The following PPP6R3 variants were observed in gnomAD, a reference collection of about 807,000 sequenced individuals.
PPP6R3 encodes protein phosphatase 6 regulatory subunit 3.
PPP6R3 carries 38 observed loss-of-function variants against 110.7 expected under a neutral mutation model. The observed-to-expected ratio is 0.34, with a 90% CI of 0.26 to 0.45. The LOEUF is 0.45. Ranked by LOEUF, PPP6R3 falls within the 20% of genes least tolerant of loss-of-function variation. The probability of loss-of-function intolerance (pLI) is 1.00; values close to 1 mark genes in which losing one functional copy is unlikely to be tolerated. For missense variants in PPP6R3, 870 were observed against 1,062.4 expected (o/e 0.82, Z 2.52); for synonymous variants, 369 against 373.5 (o/e 0.99, Z 0.14).
intron 14 of PPP6R3, 33 bp downstream of exon 14, chr11:68,576,076 C>T (rs1593428431): frequency 6.8e-7 from 1 of 1,471,152 alleles, no homozygotes; most frequent in East Asian, 2.3e-5. Flanking sequence ...TTTATTCTTT[C>T]AGTGCTCTTA....
intron 5 of PPP6R3, among the ~76,000 whole-genome samples, chr11:68,549,252 T>G (rs1176111678): frequency 2.0e-5 from 3 of 152,246 alleles, no homozygotes; most frequent in Non-Finnish European, 4.4e-5. Flanking sequence ...TATCCGTCTT[T>G]AATACTAACC....
At position 68,596,289 on chromosome 11, in the gene PPP6R3, G is replaced by A. The variant is rs2099613702; in HGVS notation, c.2038+71G>A. The stretch of plus-strand genomic sequence containing the variant: ...GGTATTGTGAACAATTGGCAAAGGA[G>A]CAGTTCACAGCATCTGAGATGATAT... On this transcript the variant is annotated intron_variant, in intron 19 of 23. Transcript: ENST00000393800. 6.3e-6 allele frequency: 10 copies of A among 1,579,178 alleles called. No individual in the cohort carries two copies. The Admixed American group carries it at 1.3e-4, about 21-fold the overall frequency.
At chr11:68,475,327 A>T (rs1251998356) in intron 1 of PPP6R3, among the ~76,000 whole-genome samples, 3 of 152,192 alleles carry the variant, frequency 2.0e-5, no homozygotes, top group Non-Finnish European at 4.4e-5. Context: ...CTACACAGAG[A>T]CAGCAACAAT....
At chr11:68,576,844 C>T (rs765391426) in intron 14 of PPP6R3, among the ~76,000 whole-genome samples, 2 of 152,282 alleles carry the variant, frequency 1.3e-5, no homozygotes, top group Admixed American at 1.3e-4. Context: ...AACACCTTGA[C>T]TGTTAGGAAT....
At chr11:68,600,632 A>G in intron 20 of PPP6R3, 138 bp downstream of exon 20, 6 of 914,610 alleles carry the variant, frequency 6.6e-6, no homozygotes, top group Non-Finnish European at 9.6e-6. Flanking sequence ...AAACATCAGC[A>G]TACTAACACA....
intron 1 of PPP6R3, among the ~76,000 whole-genome samples, chr11:68,494,487 A>G (rs550497962): frequency 2.7e-5 from 4 of 150,148 alleles, no homozygotes; most frequent in Non-Finnish European, 5.9e-5. Flanking sequence ...CTGTTTCCCT[A>G]TATTCCCCTT....
At chr11:68,508,758 A>T (rs1437243100) in intron 1 of PPP6R3, among the ~76,000 whole-genome samples, 4 of 151,896 alleles carry the variant, frequency 2.6e-5, no homozygotes, top group Non-Finnish European at 2.9e-5. Flanking sequence ...TACTGAAAAG[A>T]AGAGAAATCT....
intron 4 of PPP6R3, 34 bp from the exon 5 acceptor site, chr11:68,548,033 C>T (rs574392501): frequency 2.5e-6 from 4 of 1,593,260 alleles, no homozygotes; most frequent in East Asian, 2.3e-5. Context: ...TTCCAAGTTA[C>T]ATGTCTTTCA....
intron 20 of PPP6R3, 60 bp from the exon 21 acceptor site, chr11:68,601,803 C>T: frequency 1.5e-6 from 2 of 1,367,408 alleles, no homozygotes; most frequent in South Asian, 2.5e-5. Flanking sequence ...TATTGTGAAT[C>T]TTGGGGTAAC....
chr11:68,545,129 G>A (rs1415087997), intron 4 of PPP6R3, 105 bp downstream of exon 4: 2 of 814,070 alleles, frequency 2.5e-6, no homozygotes, highest in South Asian at 4.9e-5. Context: ...TTAAGTTCAG[G>A]TTGTATAAGA....
chr11:68,511,895 A>G (rs2099112756), intron 1 of PPP6R3, among the ~76,000 whole-genome samples: 1 of 152,086 alleles, frequency 6.6e-6, no homozygotes, highest in Non-Finnish European at 1.5e-5. Context: ...TTTTGAAGGA[A>G]TCTTTCTAGT....
chr11:68,526,094 T>C (rs2099196066), intron 2 of PPP6R3, among the ~76,000 whole-genome samples: 1 of 152,212 alleles, frequency 6.6e-6, no homozygotes, highest in Non-Finnish European at 1.5e-5. Flanking sequence ...CCATGTTTCC[T>C]ACTCTCCTCC....
rs1591480214 is a variant in PPP6R3 at position 68,466,531 on chromosome 11, C to T, written c.-158+5704C>T. Among the ~76,000 whole-genome samples the T allele has an allele frequency of 5.9e-5, 9 of 151,798 alleles. 1 individual carries two copies. The South Asian group carries it at 1.9e-3, about 32-fold the overall frequency. On this transcript the variant is annotated intron_variant, in intron 1 of 23. Coordinates refer to ENST00000393800, the MANE Select transcript of PPP6R3 (RefSeq NM_001164161.2). Reference sequence around the variant, plus strand: ...TCGGCTCACTGCCAGCTCTGCCTCCCGGGTTCACGCCATTCTCCTGCCTCA... The same window carrying T: ...TCGGCTCACTGCCAGCTCTGCCTCCTGGGTTCACGCCATTCTCCTGCCTCA...
At position 68,461,379 on chromosome 11, in the gene PPP6R3, C is replaced by T. The variant is rs181753438; in HGVS notation, c.-158+552C>T. Among the ~76,000 whole-genome samples, 110 of 152,178 alleles carry T rather than the reference C, an allele frequency of 7.2e-4. 2 individuals carry two copies. The East Asian group carries it at 0.015, about 21-fold the overall frequency. On this transcript the variant is annotated intron_variant, in intron 1 of 23. Transcript: ENST00000393800. The stretch of plus-strand genomic sequence containing the variant: ...TAATTCGCCGCAGAGTCATCGGGAT[C>T]CACACCAGCCAGTTCCGAGGCTCCC...
intron 23 of PPP6R3, among the ~76,000 whole-genome samples, chr11:68,612,266 T>G (rs1375606776): frequency 6.6e-6 from 1 of 152,218 alleles, no homozygotes; most frequent in African/African-American, 2.4e-5. Context: ...GGATTGTGTG[T>G]GCAGAGCTGA....
rs574086838 is a variant in PPP6R3, at chr11:68,593,675, T to C, written c.1916+1969T>C. Among the ~76,000 whole-genome samples, 3 of 151,526 alleles carry C rather than the reference T, an allele frequency of 2.0e-5. No individual in the cohort carries two copies. The East Asian group carries it at 5.8e-4, about 29-fold the overall frequency. Reference sequence around the variant, plus strand: ...ACTACTGAGCAGCAGAATGATAGAGTTAGTCCTAAATAACCATGTGAAACA... The same window carrying C: ...ACTACTGAGCAGCAGAATGATAGAGCTAGTCCTAAATAACCATGTGAAACA... On this transcript the variant is annotated intron_variant, in intron 18 of 23. Transcript: ENST00000393800.
At chr11:68,482,959 A>G (rs920205390) in intron 1 of PPP6R3, among the ~76,000 whole-genome samples, 1 of 152,130 alleles carries the variant, frequency 6.6e-6, no homozygotes, top group African/African-American at 2.4e-5. Flanking sequence ...ATAGCTGCAT[A>G]CTAAGGGTAT....
intron 1 of PPP6R3, among the ~76,000 whole-genome samples, chr11:68,501,324 G>GACAAATTAT (rs1425570054): frequency 6.6e-6 from 1 of 152,152 alleles, no homozygotes; most frequent in Non-Finnish European, 1.5e-5. Flanking sequence ...TGAAGAAGTA[G>GACAAATTAT]ACAAATTATT....
At chr11:68,493,163 T>G (rs1283416961) in intron 1 of PPP6R3, among the ~76,000 whole-genome samples, 1 of 152,198 alleles carries the variant, frequency 6.6e-6, no homozygotes, top group African/African-American at 2.4e-5. Flanking sequence ...ATGTAGGGTC[T>G]AAGTGCTAAT....
Sources: allele counts gnomAD v4.1 joint callset (sites outside exome capture counted in the v4.1 genomes callset), GRCh38; gene constraint gnomAD v4.1.1; transcripts MANE v1.5; gene names NCBI Gene and HGNC (gene_info 2026-07-23, HGNC 2026-07-21).